The following ASIC2 variants were observed in gnomAD, a reference collection of about 807,000 sequenced individuals.
ASIC2 encodes the protein acid sensing ion channel subunit 2.
ASIC2 carries 25 observed loss-of-function variants against 57.3 expected under a neutral mutation model. The ratio of observed to expected loss-of-function variants is 0.44; its 90% CI spans 0.32 to 0.61. The LOEUF is 0.61. ASIC2 is among the 20% of genes least tolerant of loss of function. ASIC2 has a pLI of 0.06. For missense variants in ASIC2, 641 were observed against 738.1 expected (o/e 0.87, Z 1.52); for synonymous variants, 319 against 307.5 (o/e 1.04, Z -0.39).
At chr17:33,412,194 A>T (rs558478931) in intron 1 of ASIC2, among the ~76,000 whole-genome samples, 1 of 152,164 alleles carries the variant, frequency 6.6e-6, no homozygotes. Context: ...TTCTCAAGCT[A>T]AAAAGAAAGG....
intron 1 of ASIC2, among the ~76,000 whole-genome samples, chr17:33,719,829 G>A (rs1909333229): frequency 6.6e-6 from 1 of 152,328 alleles, no homozygotes; most frequent in East Asian, 1.9e-4. Flanking sequence ...CTTCAAAGGA[G>A]TTTGGCCGCA....
At chr17:33,690,811 G>A (rs1448468113) in intron 1 of ASIC2, among the ~76,000 whole-genome samples, 8 of 134,840 alleles carry the variant, frequency 5.9e-5, no homozygotes, top group Non-Finnish European at 1.1e-4. Context: ...GTTCAGTGGC[G>A]CAATCTTGGC....
At chr17:33,496,603 G>GTTTTTTTTTTTTTTTT (rs61267122) in intron 1 of ASIC2, among the ~76,000 whole-genome samples, 1 of 70,980 alleles carries the variant, frequency 1.4e-5, no homozygotes. Context: ...GTTATTGTAG[G>GTTTTTTTTTTTTTTTT]TTTTTTTTTT....
Position 33,192,775 on chromosome 17 carries a change from T to C in ASIC2, c.709-80708A>G, listed in dbSNP as rs1470421176. Among the ~76,000 whole-genome samples, 3 of 152,340 alleles carry C rather than the reference T, an allele frequency of 2.0e-5. No individual in the cohort carries two copies. The East Asian group carries it at 5.8e-4, about 29-fold the overall frequency. ...CAATTTCTCATAAGTACCCAGATATTAGTTAATATTTTATAGGCTAAAAAG... is the reference window on the plus strand; with the variant it reads ...CAATTTCTCATAAGTACCCAGATATCAGTTAATATTTTATAGGCTAAAAAG... On this transcript the variant is annotated intron_variant, in intron 1 of 9. Coordinates refer to ENST00000225823, the MANE Select transcript of ASIC2 (RefSeq NM_183377.2).
At chr17:34,019,138 G>C (rs745671088) in intron 1 of ASIC2, among the ~76,000 whole-genome samples, 1 of 151,926 alleles carries the variant, frequency 6.6e-6, no homozygotes, top group Non-Finnish European at 1.5e-5. Context: ...TTGATCTCCT[G>C]ACCTCATGAT....
intron 3 of ASIC2, among the ~76,000 whole-genome samples, chr17:33,063,903 A>T (rs1402246335): frequency 5.3e-5 from 8 of 152,074 alleles, no homozygotes; most frequent in Admixed American, 5.2e-4. Flanking sequence ...GCTTCATTTC[A>T]TTCATTCGAT....
At chr17:34,087,327 G>A (rs563868346) in intron 1 of ASIC2, among the ~76,000 whole-genome samples, 16 of 151,844 alleles carry the variant, frequency 1.1e-4, no homozygotes, top group African/African-American at 3.6e-4. Context: ...ATGAAATTCT[G>A]GGTTGAAAAT....
intron 1 of ASIC2, among the ~76,000 whole-genome samples, chr17:33,392,851 T>C (rs1488781954): frequency 6.6e-6 from 1 of 152,194 alleles, no homozygotes; most frequent in East Asian, 1.9e-4. Flanking sequence ...AGACCATAAA[T>C]GTTCACCTTT....
chr17:33,218,132 G>A (rs1382929161), intron 1 of ASIC2, among the ~76,000 whole-genome samples: 3 of 152,126 alleles, frequency 2.0e-5, no homozygotes, highest in Admixed American at 6.5e-5. Context: ...AAAATAAATC[G>A]GCCGTGCTGT....
chr17:34,038,452 AT>A lies in ASIC2; in HGVS notation c.555+117525del, dbSNP rs1406554514. On this transcript the variant is annotated intron_variant, in intron 1 of 9. Transcript: ENST00000359872. ...CCTTTTTCTCATCTCTCCAGTTTTT[AT>A]TTAACTGGTGAATTTTCACAGCTAC... is the stretch of plus-strand genomic sequence containing the variant. 3.7e-6 allele frequency: 6 copies of A among 1,612,094 alleles called. No homozygotes were observed. In the African/African-American group the frequency reaches 8.0e-5, roughly 22 times the overall value.
chr17:33,091,719 C>T (rs113237851), intron 2 of ASIC2, among the ~76,000 whole-genome samples: 2,148 of 152,188 alleles, frequency 0.014, 28 homozygotes, highest in Non-Finnish European at 0.021. Flanking sequence ...CTAAAGTAGC[C>T]TCAGTTTTTA....
intron 1 of ASIC2, among the ~76,000 whole-genome samples, chr17:33,916,996 A>G (rs1461769168): frequency 6.6e-6 from 1 of 152,088 alleles, no homozygotes; most frequent in Non-Finnish European, 1.5e-5. Context: ...GGTCCTGAAG[A>G]CATCATCTCT....
intron 1 of ASIC2, among the ~76,000 whole-genome samples, chr17:33,179,014 A>G (rs1905874341): frequency 1.3e-5 from 2 of 152,176 alleles, no homozygotes; most frequent in Admixed American, 1.3e-4. Flanking sequence ...ATGGAAGCTC[A>G]CTGGTGGCTC....
intron 1 of ASIC2, among the ~76,000 whole-genome samples, chr17:33,893,295 C>T (rs1248614101): frequency 2.0e-5 from 3 of 152,118 alleles, no homozygotes; most frequent in Non-Finnish European, 4.4e-5. Context: ...CTTGCAGGAC[C>T]ACTTCCTTTA....
chr17:33,646,360 A>G (rs1273274670), intron 1 of ASIC2, among the ~76,000 whole-genome samples: 1 of 152,198 alleles, frequency 6.6e-6, no homozygotes, highest in Non-Finnish European at 1.5e-5. Context: ...GAGGGAAGGA[A>G]GAGATGTTCC....
At chr17:33,282,942 C>T (rs1348765362) in intron 1 of ASIC2, among the ~76,000 whole-genome samples, 2 of 152,202 alleles carry the variant, frequency 1.3e-5, no homozygotes, top group African/African-American at 4.8e-5. Flanking sequence ...TGCAAAGTCC[C>T]TTTTCTACAT....
chr17:33,792,337 TC>T (rs1911797670), intron 1 of ASIC2: 1 of 151,986 alleles, frequency 6.6e-6, no homozygotes, highest in Non-Finnish European at 1.5e-5. Flanking sequence ...AGGGTGATAG[TC>T]CCCCATTCCC....
At chr17:34,107,827 CTTTAA>C (rs1280424646) in intron 1 of ASIC2, among the ~76,000 whole-genome samples, 4 of 152,076 alleles carry the variant, frequency 2.6e-5, no homozygotes, top group African/African-American at 4.8e-5. Flanking sequence ...CATTTTTCGG[CTTTAA>C]TTTAATTTGG....
intron 1 of ASIC2, among the ~76,000 whole-genome samples, chr17:33,821,273 G>A (rs1912738897): frequency 6.6e-6 from 1 of 152,088 alleles, no homozygotes; most frequent in South Asian, 2.1e-4. Flanking sequence ...ACCTAGCTTG[G>A]TTAGTTTACT....
Sources: allele counts gnomAD v4.1 joint callset (sites outside exome capture counted in the v4.1 genomes callset), GRCh38; gene constraint gnomAD v4.1.1; transcripts MANE v1.5; gene names NCBI Gene and HGNC (gene_info 2026-07-23, HGNC 2026-07-21).